The following NTM variants were observed in gnomAD, a reference collection of about 807,000 sequenced individuals.
NTM encodes the protein neurotrimin, also known as IgLON family member 2.
NTM carries 13 observed loss-of-function variants against 42.1 expected under a neutral mutation model. That is an observed-to-expected ratio of 0.31 (90% CI 0.20 to 0.49). The LOEUF (loss-of-function observed/expected upper bound fraction) is 0.49, where lower values mean the gene tolerates loss of function less well. NTM is among the 20% of genes least tolerant of loss of function. The pLI, the probability that NTM is intolerant of heterozygous loss-of-function variation, is 0.99. For synonymous variants in NTM, 187 were observed against 179.2 expected (o/e 1.04, Z -0.35); for missense variants, 373 against 452.8 (o/e 0.82, Z 1.60).
At chr11:131,943,953 C>A (rs1451852401) in intron 2 of NTM, among the ~76,000 whole-genome samples, 1 of 152,018 alleles carries the variant, frequency 6.6e-6, no homozygotes, top group Non-Finnish European at 1.5e-5. Context: ...GGCTGATATT[C>A]CTTAAAGAAG....
At chr11:131,780,103 A>C (rs538349532) in intron 1 of NTM, among the ~76,000 whole-genome samples, 1 of 152,310 alleles carries the variant, frequency 6.6e-6, no homozygotes, top group African/African-American at 2.4e-5. Context: ...GAAAGGGAAG[A>C]TAATGAAATG....
intron 2 of NTM, among the ~76,000 whole-genome samples, chr11:131,968,506 C>T (rs1294603479): frequency 1.3e-5 from 2 of 152,130 alleles, no homozygotes; most frequent in African/African-American, 4.8e-5. Flanking sequence ...AAAGTAGGCT[C>T]AGGGGCTCAC....
chr11:132,009,825 A>G (rs1258183732), intron 2 of NTM, among the ~76,000 whole-genome samples: 1 of 152,150 alleles, frequency 6.6e-6, no homozygotes, highest in Admixed American at 6.5e-5. Flanking sequence ...ATTTTGTAGG[A>G]AGGTGATCAT....
intron 1 of NTM, among the ~76,000 whole-genome samples, chr11:131,571,534 C>G (rs910935180): frequency 6.6e-6 from 1 of 152,154 alleles, no homozygotes; most frequent in South Asian, 2.1e-4. Context: ...GAGGAAAGCT[C>G]CATTATTAGT....
chr11:131,739,810 C>T (rs944968495), intron 1 of NTM, among the ~76,000 whole-genome samples: 3 of 152,182 alleles, frequency 2.0e-5, no homozygotes, highest in African/African-American at 2.4e-5. Flanking sequence ...TGAAGTGCTG[C>T]GTTCTCTTCG....
intron 4 of NTM, among the ~76,000 whole-genome samples, chr11:132,237,565 T>A (rs2089267409): frequency 6.6e-6 from 1 of 152,162 alleles, no homozygotes; most frequent in African/African-American, 2.4e-5. Flanking sequence ...GTGGACATTC[T>A]CACTGCCTGA....
chr11:131,944,306 G>A (rs920376428), intron 2 of NTM, among the ~76,000 whole-genome samples: 1 of 152,172 alleles, frequency 6.6e-6, no homozygotes, highest in African/African-American at 2.4e-5. Flanking sequence ...TGCTCATATT[G>A]CTTTAGACAT....
intron 1 of NTM, among the ~76,000 whole-genome samples, chr11:131,498,924 A>G (rs2136346649): frequency 6.6e-6 from 1 of 152,338 alleles, no homozygotes; most frequent in Non-Finnish European, 1.5e-5. Flanking sequence ...AGTTCCAGGC[A>G]GGAGATGTGA....
At position 131,688,086 on chromosome 11, in the gene NTM, G is replaced by C. The variant is rs374727261; in HGVS notation, c.83-223478G>C. On this transcript the variant is annotated intron_variant, in intron 1 of 8. Coordinates refer to ENST00000683400, the MANE Select transcript of NTM (RefSeq NM_001352005.2). ...AATAAACCCCGGAGGGGTGCGACGC[G>C]CGCTGCCAGGCAGTTCTCACATCTG... 6.6e-5 allele frequency among the ~76,000 whole-genome samples: 10 copies of C among 152,210 alleles called. 1 individual carries two copies. In the East Asian group the frequency reaches 1.4e-3, roughly 21 times the overall value.
At chr11:132,017,517 A>G (rs1160047141) in intron 2 of NTM, among the ~76,000 whole-genome samples, 4 of 152,018 alleles carry the variant, frequency 2.6e-5, no homozygotes, top group African/African-American at 9.7e-5. Context: ...TTATTGATCT[A>G]AATTTCTAAC....
At chr11:131,552,138 G>GA (rs922455320) in intron 1 of NTM, among the ~76,000 whole-genome samples, 2 of 152,100 alleles carry the variant, frequency 1.3e-5, no homozygotes, top group African/African-American at 4.8e-5. Flanking sequence ...AGGAAAGAAG[G>GA]AAAAGAGCTG....
At chr11:131,583,702 C>T (rs2058614194) in intron 1 of NTM, among the ~76,000 whole-genome samples, 1 of 152,172 alleles carries the variant, frequency 6.6e-6, no homozygotes, top group Non-Finnish European at 1.5e-5. Flanking sequence ...TCCTGCCTCA[C>T]ATCACACAAC....
chr11:132,310,014 C>T, intron 5 of NTM, 98 bp from the exon 6 acceptor site: 1 of 1,414,784 alleles, frequency 7.1e-7, no homozygotes, highest in African/African-American at 1.5e-5. Flanking sequence ...CAAGATCATG[C>T]CACTGCATTC....
At chr11:131,454,995 C>A (rs1950763547) in intron 1 of NTM, among the ~76,000 whole-genome samples, 1 of 152,146 alleles carries the variant, frequency 6.6e-6, no homozygotes, top group Non-Finnish European at 1.5e-5. Flanking sequence ...TATTTTTAAT[C>A]AGTCTGTCAT....
intron 1 of NTM, among the ~76,000 whole-genome samples, chr11:131,510,807 G>A (rs971516403): frequency 1.3e-5 from 2 of 152,126 alleles, no homozygotes; most frequent in South Asian, 2.1e-4. Flanking sequence ...CCGGGTCTGT[G>A]GGGGTGCTGG....
At chr11:132,314,993 TGAAAAA>T (rs1000389523) in intron 7 of NTM, 1 of 1,165,530 alleles carries the variant, frequency 8.6e-7, no homozygotes, top group African/African-American at 1.6e-5. Context: ...AAAAGGAAAA[TGAAAAA>T]GAATGTTCAT....
intron 1 of NTM, among the ~76,000 whole-genome samples, chr11:131,679,417 T>C (rs558093065): frequency 6.6e-6 from 1 of 152,118 alleles, no homozygotes; most frequent in Non-Finnish European, 1.5e-5. Flanking sequence ...TTTTACGGCC[T>C]TTAGAAGGTA....
At chr11:131,774,666 C>T (rs1271846151) in intron 1 of NTM, among the ~76,000 whole-genome samples, 1 of 152,186 alleles carries the variant, frequency 6.6e-6, no homozygotes, top group Non-Finnish European at 1.5e-5. Context: ...TATTCTACAA[C>T]TTGCCATTAA....
intron 1 of NTM, among the ~76,000 whole-genome samples, chr11:131,644,467 G>A (rs961367139): frequency 6.6e-6 from 1 of 152,180 alleles, no homozygotes; most frequent in Non-Finnish European, 1.5e-5. Flanking sequence ...CTCATGGCCA[G>A]CAAACCGTAC....
Sources: allele counts gnomAD v4.1 joint callset (sites outside exome capture counted in the v4.1 genomes callset), GRCh38; gene constraint gnomAD v4.1.1; transcripts MANE v1.5; gene names NCBI Gene and HGNC (gene_info 2026-07-23, HGNC 2026-07-21).